The following ASXL3 variants were observed in gnomAD, a reference collection of about 807,000 sequenced individuals.
The protein encoded by ASXL3 is ASXL transcriptional regulator 3.
A neutral mutation model predicts 170.6 loss-of-function variants in ASXL3; 34 were observed. The observed-to-expected ratio is 0.20, with a 90% CI of 0.15 to 0.27. The LOEUF (loss-of-function observed/expected upper bound fraction) is 0.27. ASXL3 is among the 10% of genes least tolerant of loss of function. The pLI, the probability that ASXL3 is intolerant of heterozygous loss-of-function variation, is 1.00. For synonymous variants in ASXL3, 1,002 were observed against 989.1 expected (o/e 1.01, Z -0.24); for missense variants, 2,592 against 2,695.3 (o/e 0.96, Z 0.85).
chr18:33,696,680 C>T (rs759852907), intron 8 of ASXL3, among the ~76,000 whole-genome samples: 1 of 151,942 alleles, frequency 6.6e-6, no homozygotes, highest in African/African-American at 2.4e-5. Flanking sequence ...GAGCACATCT[C>T]AATATCATTC....
chr18:33,722,041 A>G (rs979219432), intron 8 of ASXL3, among the ~76,000 whole-genome samples: 7 of 152,014 alleles, frequency 4.6e-5, no homozygotes, highest in African/African-American at 1.4e-4. Flanking sequence ...GGTACCACAA[A>G]CCATGCCCTC....
At chr18:33,706,367 T>C (rs2066959151) in intron 8 of ASXL3, among the ~76,000 whole-genome samples, 1 of 151,772 alleles carries the variant, frequency 6.6e-6, no homozygotes, top group Non-Finnish European at 1.5e-5. Context: ...GATATATGAC[T>C]ACAAGTCTAA....
At chr18:33,643,203 A>G (rs2145195901) in intron 2 of ASXL3, among the ~76,000 whole-genome samples, 1 of 152,028 alleles carries the variant, frequency 6.6e-6, no homozygotes, top group African/African-American at 2.4e-5. Flanking sequence ...GAAGAATATA[A>G]TGTAAAAATA....
intron 7 of ASXL3, among the ~76,000 whole-genome samples, chr18:33,680,996 T>A (rs1207695019): frequency 6.6e-6 from 1 of 152,044 alleles, no homozygotes; most frequent in African/African-American, 2.4e-5. Flanking sequence ...TCCTTTTGAT[T>A]GAGTTTTTCC....
At chr18:33,695,017 C>T (rs185697842) in intron 8 of ASXL3, among the ~76,000 whole-genome samples, 8 of 152,224 alleles carry the variant, frequency 5.3e-5, no homozygotes, top group Admixed American at 2.0e-4. Flanking sequence ...AAGGGCTTTC[C>T]GTCTTTTCCC....
At chr18:33,714,041 G>A (rs1210924935) in intron 8 of ASXL3, among the ~76,000 whole-genome samples, 2 of 152,170 alleles carry the variant, frequency 1.3e-5, no homozygotes, top group African/African-American at 4.8e-5. Flanking sequence ...CTGCTGGTGG[G>A]TGAGTGTGTG....
chr18:33,692,122 T>G (rs2145306403), intron 8 of ASXL3, among the ~76,000 whole-genome samples: 1 of 152,256 alleles, frequency 6.6e-6, no homozygotes, highest in African/African-American at 2.4e-5. Context: ...AAAAGTACAT[T>G]TTGTCTGTCA....
intron 2 of ASXL3, among the ~76,000 whole-genome samples, chr18:33,624,046 T>G (rs1314910137): frequency 6.6e-6 from 1 of 152,072 alleles, no homozygotes; most frequent in African/African-American, 2.4e-5. Context: ...TGGTTCTAGC[T>G]ACTTGGGAGA....
chr18:33,697,208 A>T (rs548963655), intron 8 of ASXL3, among the ~76,000 whole-genome samples: 1 of 152,270 alleles, frequency 6.6e-6, no homozygotes, highest in African/African-American at 2.4e-5. Context: ...TCTGAACAGT[A>T]TCTATTAATA....
chr18:33,590,120 T>TTTG (rs1568265389), intron 1 of ASXL3, among the ~76,000 whole-genome samples: 2 of 148,018 alleles, frequency 1.4e-5, no homozygotes, highest in Non-Finnish European at 3.0e-5. Context: ...TGTTTTTTTT[T>TTTG]TTTTTTTTTT....
chr18:33,740,544 T>C, intron 11 of ASXL3, 101 bp downstream of exon 11: 1 of 1,172,678 alleles, frequency 8.5e-7, no homozygotes, highest in Non-Finnish European at 1.2e-6. Flanking sequence ...TTCTAGGTTT[T>C]ATGCAGCAGT....
Position 33,746,057 on chromosome 18 carries a change from C to T in ASXL3, c.6209C>T (p.Pro2070Leu). ...TMETTKRLSW[P>L]QSTGICSNIK... ...GAAACCACTAAGAGACTTAGTTGGC[C>T]ACAGTCCACGGGCATATGTAGCAAT... The change falls in exon 12 of 12, where the codon CCA (proline) becomes CTA (leucine). Residue 2070 changes from proline to leucine, a missense_variant. Pro to Leu is a moderately conservative substitution (Grantham distance 98). Around this residue, in one of 4 missense-constraint regions of ASXL3, gnomAD observed 2,246 missense variants for 2,219.6 expected, o/e 1.01. Transcript: ENST00000269197. The T allele has an allele frequency of 6.2e-7, 1 of 1,613,070 alleles. No individual in the cohort carries two copies. Among genetic ancestry groups the T allele is most frequent in the Non-Finnish European group, 8.5e-7 (1 of 1,179,800 alleles).
At chr18:33,720,547 A>G (rs1480472185) in intron 8 of ASXL3, among the ~76,000 whole-genome samples, 8 of 152,128 alleles carry the variant, frequency 5.3e-5, no homozygotes, top group African/African-American at 2.4e-5. Flanking sequence ...CTTTTAAAAC[A>G]TACACATTCT....
chr18:33,619,557 T>C (rs1391625676), intron 2 of ASXL3, among the ~76,000 whole-genome samples: 1 of 152,066 alleles, frequency 6.6e-6, no homozygotes, highest in African/African-American at 2.4e-5. Context: ...AGATTTGGGC[T>C]TATGGACAGC....
At chr18:33,721,401 T>C (rs2067257074) in intron 8 of ASXL3, among the ~76,000 whole-genome samples, 1 of 152,094 alleles carries the variant, frequency 6.6e-6, no homozygotes, top group Non-Finnish European at 1.5e-5. Context: ...TATATATATG[T>C]ATGTATGTAT....
chr18:33,605,982 C>A (rs1288802522), intron 1 of ASXL3, among the ~76,000 whole-genome samples: 1 of 151,982 alleles, frequency 6.6e-6, no homozygotes, highest in Non-Finnish European at 1.5e-5. Flanking sequence ...AACACAGCAT[C>A]TCCTTTCAGT....
At chr18:33,652,311 T>A (rs2066011013) in intron 4 of ASXL3, among the ~76,000 whole-genome samples, 1 of 152,036 alleles carries the variant, frequency 6.6e-6, no homozygotes, top group African/African-American at 2.4e-5. Flanking sequence ...CTCATACATA[T>A]TTTATATGAG....
chr18:33,631,101 T>C (rs2065670155), intron 2 of ASXL3, among the ~76,000 whole-genome samples: 1 of 152,060 alleles, frequency 6.6e-6, no homozygotes, highest in Non-Finnish European at 1.5e-5. Flanking sequence ...ACATTTTATG[T>C]ATCTGCATAT....
At chr18:33,632,624 T>C (rs2065696071) in intron 2 of ASXL3, among the ~76,000 whole-genome samples, 1 of 152,236 alleles carries the variant, frequency 6.6e-6, no homozygotes, top group South Asian at 2.1e-4. Context: ...TCAGTGTCTT[T>C]GTCCAAAAAG....
Sources: allele counts gnomAD v4.1 joint callset (sites outside exome capture counted in the v4.1 genomes callset), GRCh38; gene constraint gnomAD v4.1.1; regional missense constraint gnomAD v4.1.1; transcripts MANE v1.5; gene names NCBI Gene and HGNC (gene_info 2026-07-23, HGNC 2026-07-21).